The following TRIM5 variants were observed in gnomAD, a reference collection of about 807,000 sequenced individuals.
TRIM5 encodes the protein tripartite motif containing 5, also known as tripartite motif-containing protein 5.
Under a neutral mutation model 35.6 loss-of-function variants are expected in TRIM5, and 31 were observed. That is an observed-to-expected ratio of 0.87 (90% CI 0.65 to 1.18). The LOEUF (loss-of-function observed/expected upper bound fraction) is 1.18, where lower values mean the gene tolerates loss of function less well. Ranked by LOEUF, TRIM5 falls within the 50% of genes most tolerant of loss-of-function variation. The pLI, the probability that TRIM5 is intolerant of heterozygous loss-of-function variation, is 0.00. For missense variants in TRIM5, 609 were observed against 591.6 expected, an observed-to-expected ratio of 1.03 and a Z score of -0.31; for synonymous variants, 243 against 215.6, an observed-to-expected ratio of 1.13 and a Z score of -1.11.
chr11:5,632,140 T>C, the TRIM5 span: 2 of 1,445,260 alleles, frequency 1.4e-6, no homozygotes, highest in Non-Finnish European at 1.8e-6. Flanking sequence ...TTGGTTTCTC[T>C]TCCTCATCTT....
chr11:5,671,687 T>C (rs909332893), intron 4 of TRIM5, among the ~76,000 whole-genome samples: 2 of 151,996 alleles, frequency 1.3e-5, no homozygotes, highest in African/African-American at 4.8e-5. Flanking sequence ...ACATGTCAGA[T>C]GTCATAATGT....
At chr11:5,633,997 C>G in the TRIM5 span, 1 of 1,330,492 alleles carries the variant, frequency 7.5e-7, no homozygotes, top group Non-Finnish European at 1.0e-6. Context: ...TTGCATGAGT[C>G]CTGAAGCCAT....
At chr11:5,635,093 A>G in the TRIM5 span, among the ~76,000 whole-genome samples, 7,351 of 152,122 alleles carry the variant, frequency 0.048, 561 homozygotes, top group African/African-American at 0.16. Context: ...CTAGGCCCCT[A>G]TTATATGTGA....
chr11:5,653,406 A>G, the TRIM5 span, among the ~76,000 whole-genome samples: 1 of 152,036 alleles, frequency 6.6e-6, no homozygotes, highest in African/African-American at 2.4e-5. Context: ...TATTTCATTA[A>G]ATAGATTTTC....
chr11:5,627,991 A>G, the TRIM5 span, among the ~76,000 whole-genome samples: 1 of 152,240 alleles, frequency 6.6e-6, no homozygotes, highest in Non-Finnish European at 1.5e-5. Context: ...CCTGGCAGCT[A>G]TGGTAACCAG....
the TRIM5 span, among the ~76,000 whole-genome samples, chr11:5,654,919 G>A: frequency 0.031 from 4,767 of 152,184 alleles, 170 homozygotes; most frequent in East Asian, 0.14. Context: ...GGCCGGGCAC[G>A]GTAGCTCCTG....
intron 1 of TRIM5, among the ~76,000 whole-genome samples, chr11:5,680,691 T>TC: frequency 6.6e-6 from 1 of 152,324 alleles, no homozygotes; most frequent in South Asian, 2.1e-4. Flanking sequence ...TTAAATTCTC[T>TC]CCTTACATGT....
the TRIM5 span, among the ~76,000 whole-genome samples, chr11:5,654,159 A>G: frequency 8.4e-6 from 1 of 118,390 alleles, no homozygotes; most frequent in Admixed American, 8.1e-5. Context: ...CATTTCATAG[A>G]TATTTTTTCC....
At chr11:5,666,534 G>A (rs1851153003) in intron 5 of TRIM5, among the ~76,000 whole-genome samples, 1 of 152,222 alleles carries the variant, frequency 6.6e-6, no homozygotes, top group African/African-American at 2.4e-5. Context: ...TGGCTCCTGG[G>A]TGTTTGACAC....
At chr11:5,652,951 C>T in the TRIM5 span, among the ~76,000 whole-genome samples, 1 of 151,110 alleles carries the variant, frequency 6.6e-6, no homozygotes. Context: ...CTCCTGGGTT[C>T]ATGCCATTCT....
rs1436059792 is a variant in TRIM5 at position 5,667,689 on chromosome 11, C to T, written c.767G>A (p.Arg256Lys). The change falls in exon 5 of 8, where the codon AGG (arginine) becomes AAG (lysine). Residue 256 changes from arginine (R) to lysine (K), a missense_variant and splice_region_variant. Arg to Lys is a conservative substitution (Grantham distance 26). Transcript: ENST00000380034. Reference sequence around the variant, plus strand: ...ACCATCTCTGTCCTCCCACACATACCTTTTTATGACGCCATCCACACCCTA... The same window carrying T: ...ACCATCTCTGTCCTCCCACACATACTTTTTTATGACGCCATCCACACCCTA... ...LLQGVDGVIKRTENVTLKKPE... is the reference protein window; with the variant it reads ...LLQGVDGVIKKTENVTLKKPE... 1.9e-6 allele frequency: 3 copies of T among 1,613,628 alleles called. No individual in the cohort carries two copies. Among genetic ancestry groups the T allele is most frequent in the African/African-American group, 2.7e-5 (2 of 74,948 alleles).
At chr11:5,671,194 C>T (rs1851562601) in intron 4 of TRIM5, among the ~76,000 whole-genome samples, 1 of 151,978 alleles carries the variant, frequency 6.6e-6, no homozygotes, top group African/African-American at 2.4e-5. Context: ...CCACTACATA[C>T]TAGCATGGGC....
rs1852292142 is a variant in TRIM5, at chr11:5,679,865, A to C, written c.313T>G (p.Phe105Val). The C allele has an allele frequency of 6.2e-7, 1 of 1,613,738 alleles. No individual in the cohort carries two copies. The highest frequency in any genetic ancestry group is 2.2e-5 in the East Asian group (1 of 44,844). ...CARHGEKLLL[F>V]CQEDGKVICW... ...ATGACCTTCCCGTCCTCCTGACAGA[A>C]GAGTAGAAGTTTCTCTCCATGGCGT... Residue 105 changes from phenylalanine (F) to valine (V), a missense_variant, in exon 2 of 8, where the codon TTC becomes GTC. Coordinates refer to ENST00000380034, the MANE Select transcript of TRIM5 (RefSeq NM_033034.3).
chr11:5,618,901 T>G, the TRIM5 span, among the ~76,000 whole-genome samples: 1 of 152,240 alleles, frequency 6.6e-6, no homozygotes, highest in African/African-American at 2.4e-5. Context: ...AACCGTGACT[T>G]ATTTGGGAAA....
At chr11:5,657,039 T>C in the TRIM5 span, among the ~76,000 whole-genome samples, 1 of 152,086 alleles carries the variant, frequency 6.6e-6, no homozygotes, top group Non-Finnish European at 1.5e-5. Context: ...CTATTCACAA[T>C]AGCAAAGATT....
the TRIM5 span, chr11:5,596,623 G>C: frequency 4.9e-4 from 161 of 327,452 alleles, no homozygotes; most frequent in Middle Eastern, 9.1e-4. Flanking sequence ...ACCCCAGGCG[G>C]CCCGACTCCT....
chr11:5,641,069 C>G, the TRIM5 span: 6 of 1,454,676 alleles, frequency 4.1e-6, no homozygotes, highest in Admixed American at 1.3e-4. Flanking sequence ...TAACTCACTT[C>G]TGATTTTTCC....
In TRIM5 at chr11:5,668,120, A is replaced by T. The variant is rs567370152; in HGVS notation, c.745-409T>A. 3.9e-5 allele frequency among the ~76,000 whole-genome samples: 6 copies of T among 152,264 alleles called. No individual in the cohort carries two copies. In the South Asian group the frequency reaches 1.0e-3, roughly 26 times the overall value. ...CATCTCTACAAAAAATAAAATAAAA[A>T]AAAATTAGCCAAGCATGGTGGCATG... On this transcript the variant is annotated intron_variant, in intron 4 of 7. Coordinates refer to ENST00000380034, the MANE Select transcript of TRIM5 (RefSeq NM_033034.3).
At chr11:5,622,992 G>T in the TRIM5 span, among the ~76,000 whole-genome samples, 12 of 152,296 alleles carry the variant, frequency 7.9e-5, no homozygotes, top group South Asian at 2.5e-3. Context: ...GGGTTTCCAG[G>T]TCATAGGTAG....
Sources: gnomAD v4.1 joint callset for allele counts (sites outside exome capture counted in the v4.1 genomes callset) on GRCh38, gnomAD v4.1.1 for gene constraint, MANE v1.5 for transcripts, NCBI Gene and HGNC (gene_info 2026-07-23, HGNC 2026-07-21) for gene names.